CHN1: variants seen among roughly 807,000 people sequenced by gnomAD.
The protein encoded by CHN1 is chimerin 1, also known as N-chimaerin.
In CHN1, 37 loss-of-function variants were observed where a neutral mutation model predicts 59.5. The observed-to-expected ratio is 0.62, with a 90% CI of 0.48 to 0.82. CHN1 has a LOEUF of 0.82. CHN1 is among the 40% of genes least tolerant of loss of function. CHN1 has a pLI of 0.00. For synonymous variants in CHN1, 206 were observed against 200.4 expected, an observed-to-expected ratio of 1.03 and a Z score of -0.24; for missense variants, 469 against 571.0, an observed-to-expected ratio of 0.82 and a Z score of 1.82.
chr2:174,813,384 C>T (rs1350166138), intron 8 of CHN1, among the ~76,000 whole-genome samples: 5 of 152,276 alleles, frequency 3.3e-5, no homozygotes, highest in Admixed American at 1.3e-4. Flanking sequence ...CTCTAGGAAC[C>T]GCCACATGTT....
chr2:174,854,403 C>A (rs1484469443), intron 6 of CHN1, among the ~76,000 whole-genome samples: 1 of 152,010 alleles, frequency 6.6e-6, no homozygotes, highest in African/African-American at 2.4e-5. Flanking sequence ...AATAGGAACA[C>A]ATTCACTGTT....
At chr2:174,983,423 CA>C (rs886584807) in intron 1 of CHN1, among the ~76,000 whole-genome samples, 15 of 151,228 alleles carry the variant, frequency 9.9e-5, no homozygotes, top group Non-Finnish European at 4.4e-5. Flanking sequence ...TGCCATGGGC[CA>C]AAAAAACCCA....
At chr2:174,979,655 G>C (rs886745566) in intron 1 of CHN1, among the ~76,000 whole-genome samples, 1 of 152,014 alleles carries the variant, frequency 6.6e-6, no homozygotes, top group Admixed American at 6.6e-5. Flanking sequence ...TCTACTGGCG[G>C]GTGGATCATG....
chr2:174,830,245 A>AT (rs1268054764), intron 7 of CHN1, among the ~76,000 whole-genome samples: 15 of 152,298 alleles, frequency 9.8e-5, no homozygotes, highest in African/African-American at 3.6e-4. Flanking sequence ...AAAAAAATAA[A>AT]AAATAAAAAA....
At chr2:174,819,788 A>G (rs952464807) in intron 8 of CHN1, among the ~76,000 whole-genome samples, 4 of 147,024 alleles carry the variant, frequency 2.7e-5, no homozygotes, top group Non-Finnish European at 4.5e-5. Context: ...AGCATTAGGT[A>G]TATCTCCTAA....
chr2:174,910,928 A>G (rs1294471618), intron 5 of CHN1, among the ~76,000 whole-genome samples: 1 of 151,196 alleles, frequency 6.6e-6, no homozygotes, highest in Non-Finnish European at 1.5e-5. Flanking sequence ...AAAAAAAGAG[A>G]AAGTAGATAT....
intron 3 of CHN1, chr2:174,920,886 C>A: frequency 2.4e-6 from 1 of 410,566 alleles, no homozygotes; most frequent in Non-Finnish European, 5.0e-6. Flanking sequence ...GAGCCCTGAG[C>A]TTGTTTTCCT....
At chr2:174,927,342 G>A (rs1374804019) in intron 3 of CHN1, among the ~76,000 whole-genome samples, 1 of 152,152 alleles carries the variant, frequency 6.6e-6, no homozygotes, top group African/African-American at 2.4e-5. Context: ...ACAGGCATGA[G>A]CCACCATGCT....
chr2:174,923,983 C>T (rs979410207), intron 3 of CHN1, among the ~76,000 whole-genome samples: 25 of 152,196 alleles, frequency 1.6e-4, no homozygotes, highest in Non-Finnish European at 2.5e-4. Flanking sequence ...ATTGAAATGT[C>T]AATCAAAACT....
chr2:174,997,763 G>C (rs1691755180), intron 1 of CHN1, among the ~76,000 whole-genome samples: 1 of 152,124 alleles, frequency 6.6e-6, no homozygotes, highest in South Asian at 2.1e-4. Context: ...CGGGTGTGGT[G>C]GCTCACGTCT....
At chr2:174,903,845 C>A (rs1311191053) in intron 5 of CHN1, among the ~76,000 whole-genome samples, 1 of 151,868 alleles carries the variant, frequency 6.6e-6, no homozygotes, top group Non-Finnish European at 1.5e-5. Context: ...GGAAAGTTAA[C>A]CCTTGAGAAT....
At chr2:174,943,048 T>TA (rs565185792) in intron 3 of CHN1, among the ~76,000 whole-genome samples, 60 of 145,200 alleles carry the variant, frequency 4.1e-4, no homozygotes, top group East Asian at 3.4e-3. Flanking sequence ...AGACTCTATC[T>TA]AAAAAAAAAA....
At chr2:174,891,056 G>C (rs1688027889) in intron 5 of CHN1, among the ~76,000 whole-genome samples, 1 of 147,470 alleles carries the variant, frequency 6.8e-6, no homozygotes, top group Non-Finnish European at 1.5e-5. Flanking sequence ...CAGGAGAATG[G>C]TGCGAACCTG....
At position 174,933,699 on chromosome 2, in the gene CHN1, A is replaced by C. The variant is rs141386417; in HGVS notation, c.114+11189T>G. ...AACTTTTTAAGATAGGAGAAATAATAGGATATTTGTGGGCTGACGAAAATG... is the reference window on the plus strand; with the variant it reads ...AACTTTTTAAGATAGGAGAAATAATCGGATATTTGTGGGCTGACGAAAATG... On this transcript the variant is annotated intron_variant, in intron 3 of 12. Coordinates refer to ENST00000409900, the MANE Select transcript of CHN1 (RefSeq NM_001822.7). 6.4e-4 allele frequency among the ~76,000 whole-genome samples: 98 copies of C among 152,332 alleles called. 2 individuals carry two copies. The East Asian group carries it at 0.017, about 26-fold the overall frequency.
intron 9 of CHN1, 79 bp from the exon 10 acceptor site, chr2:174,811,667 G>T: frequency 3.8e-6 from 3 of 795,188 alleles, no homozygotes; most frequent in Non-Finnish European, 4.0e-6. Context: ...AAGCTGGGAG[G>T]TAATGTGTCA....
Position 174,799,204 on chromosome 2 carries a change from C to A in CHN1, c.*912G>T. On this transcript the variant is annotated 3_prime_UTR_variant, in exon 13 of 13. Transcript: ENST00000409900. The stretch of plus-strand genomic sequence containing the variant: ...AAGAAAATATTTTCTAGATTTCTGC[C>A]AGAGTAATATAAGAAGAAAAATAAA... The A allele has an allele frequency of 4.9e-6, 1 of 205,860 alleles. No homozygotes were observed. Among genetic ancestry groups the A allele is most frequent in the Non-Finnish European group, 9.9e-6 (1 of 100,632 alleles). The allele number at this position is 205,860 out of a possible 1,614,324, so 12.8% of individuals were successfully genotyped here.
intron 6 of CHN1, among the ~76,000 whole-genome samples, chr2:174,862,864 A>C (rs1169758447): frequency 6.6e-6 from 1 of 152,154 alleles, no homozygotes; most frequent in Non-Finnish European, 1.5e-5. Flanking sequence ...TTTAGTAGTA[A>C]GCTGAGCTAG....
intron 5 of CHN1, among the ~76,000 whole-genome samples, chr2:174,882,472 A>G (rs1431882043): frequency 6.6e-6 from 1 of 152,210 alleles, no homozygotes; most frequent in African/African-American, 2.4e-5. Flanking sequence ...AGAAAAAATG[A>G]TGACAAAATA....
intron 1 of CHN1, among the ~76,000 whole-genome samples, chr2:174,987,035 C>T (rs1391325877): frequency 3.3e-5 from 5 of 152,056 alleles, no homozygotes; most frequent in African/African-American, 4.8e-5. Context: ...CACGCCCAGC[C>T]GATTTTATTA....
Sources: allele counts gnomAD v4.1 joint callset (sites outside exome capture counted in the v4.1 genomes callset), GRCh38; gene constraint gnomAD v4.1.1; transcripts MANE v1.5; gene names NCBI Gene and HGNC (gene_info 2026-07-23, HGNC 2026-07-21).